The following PDE4D variants were observed in gnomAD, a reference collection of about 807,000 sequenced individuals.
PDE4D encodes 3',5'-cyclic-AMP phosphodiesterase 4D.
Under a neutral mutation model 87.4 loss-of-function variants are expected in PDE4D, and 24 were observed. The observed-to-expected ratio is 0.27, with a 90% CI of 0.20 to 0.39. The LOEUF is 0.39. Ranked by LOEUF, PDE4D falls within the 10% of genes least tolerant of loss-of-function variation. The probability of loss-of-function intolerance (pLI) is 1.00; values close to 1 mark genes in which losing one functional copy is unlikely to be tolerated. For synonymous variants in PDE4D, 384 were observed against 383.2 expected (o/e 1.00, Z -0.02); for missense variants, 714 against 1,041.0 (o/e 0.69, Z 4.32).
intron 1 of PDE4D, among the ~76,000 whole-genome samples, chr5:59,670,576 A>G (rs538774917): frequency 3.3e-5 from 5 of 152,320 alleles, no homozygotes; most frequent in Non-Finnish European, 5.9e-5. Context: ...CTTATCCCCA[A>G]GATATCTCAC....
intron 1 of PDE4D, among the ~76,000 whole-genome samples, chr5:60,407,484 C>T (rs1379112281): frequency 1.8e-5 from 2 of 109,960 alleles, no homozygotes; most frequent in African/African-American, 7.2e-5. Context: ...GACGGAGTCT[C>T]ACTCTGTCAC....
chr5:59,956,988 G>T (rs1354796340), intron 3 of PDE4D, among the ~76,000 whole-genome samples: 2 of 151,976 alleles, frequency 1.3e-5, no homozygotes, highest in Non-Finnish European at 2.9e-5. Context: ...TATATATGTG[G>T]CCAGATATTT....
At chr5:59,331,178 C>T (rs1340381772) in intron 1 of PDE4D, among the ~76,000 whole-genome samples, 1 of 152,154 alleles carries the variant, frequency 6.6e-6, no homozygotes, top group Admixed American at 6.5e-5. Flanking sequence ...ACAAATAATA[C>T]TTGCTCATTG....
intron 3 of PDE4D, among the ~76,000 whole-genome samples, chr5:59,913,817 A>G (rs578136092): frequency 1.1e-3 from 162 of 152,298 alleles, no homozygotes; most frequent in African/African-American, 3.7e-3. Flanking sequence ...TATCAATGCT[A>G]GAATCAAGAA....
intron 1 of PDE4D, among the ~76,000 whole-genome samples, chr5:59,883,296 A>T (rs1476262785): frequency 1.3e-5 from 2 of 152,210 alleles, no homozygotes; most frequent in Non-Finnish European, 2.9e-5. Flanking sequence ...CAGCATCCAA[A>T]TCAAATTCGG....
chr5:59,653,198 A>C (rs1472486557), intron 1 of PDE4D, among the ~76,000 whole-genome samples: 1 of 112,018 alleles, frequency 8.9e-6, no homozygotes, highest in East Asian at 2.8e-4. Context: ...TAATGTTAGC[A>C]AAAAAAAAAA....
At chr5:59,153,830 T>A (rs1779791888) in intron 5 of PDE4D, among the ~76,000 whole-genome samples, 2 of 152,034 alleles carry the variant, frequency 1.3e-5, no homozygotes, top group African/African-American at 4.8e-5. Context: ...CATTAGGTTA[T>A]GCTAGAGGTA....
At chr5:59,678,112 A>AT (rs1231211610) in intron 1 of PDE4D, among the ~76,000 whole-genome samples, 1 of 152,170 alleles carries the variant, frequency 6.6e-6, no homozygotes, top group African/African-American at 2.4e-5. Flanking sequence ...AATTGATCAA[A>AT]TACCTTAAAC....
intron 1 of PDE4D, among the ~76,000 whole-genome samples, chr5:59,225,414 T>G (rs1335139869): frequency 6.6e-6 from 1 of 152,196 alleles, no homozygotes; most frequent in African/African-American, 2.4e-5. Flanking sequence ...CTTAGTAATA[T>G]GTTTTGAAAT....
chr5:59,088,220 C>CA (rs1580731006), intron 5 of PDE4D, among the ~76,000 whole-genome samples: 2 of 152,160 alleles, frequency 1.3e-5, no homozygotes, highest in East Asian at 1.9e-4. Context: ...TCCTTGCCTC[C>CA]AAAAAACACT....
chr5:60,036,644 G>T (rs1302068589), intron 2 of PDE4D, among the ~76,000 whole-genome samples: 1 of 152,202 alleles, frequency 6.6e-6, no homozygotes, highest in Non-Finnish European at 1.5e-5. Context: ...AAATTAATAA[G>T]TCCTGAGTCT....
intron 1 of PDE4D, among the ~76,000 whole-genome samples, chr5:59,772,493 T>A (rs1337820266): frequency 6.6e-6 from 1 of 152,240 alleles, no homozygotes. Flanking sequence ...TTTGTGGGAT[T>A]TTTTAGATTA....
chr5:60,286,157 G>A (rs1384453190), intron 1 of PDE4D, among the ~76,000 whole-genome samples: 1 of 152,128 alleles, frequency 6.6e-6, no homozygotes, highest in Non-Finnish European at 1.5e-5. Context: ...CGGGAAACAT[G>A]ATAATTCTTA....
At chr5:59,446,301 A>T (rs1368205832) in intron 1 of PDE4D, among the ~76,000 whole-genome samples, 1 of 152,200 alleles carries the variant, frequency 6.6e-6, no homozygotes, top group African/African-American at 2.4e-5. Flanking sequence ...TTCTTCAAAC[A>T]TGTATACCAT....
intron 1 of PDE4D, among the ~76,000 whole-genome samples, chr5:59,307,785 T>C (rs1374617659): frequency 1.3e-5 from 2 of 152,072 alleles, no homozygotes; most frequent in Non-Finnish European, 2.9e-5. Context: ...AGTTCAACCA[T>C]TGTGGAAGTC....
chr5:59,488,775 T>C (rs1441860395), intron 1 of PDE4D, among the ~76,000 whole-genome samples: 1 of 151,570 alleles, frequency 6.6e-6, no homozygotes, highest in African/African-American at 2.4e-5. Flanking sequence ...AATACAAAAA[T>C]TGAATGTATT....
intron 12 of PDE4D, 32 bp downstream of exon 12, chr5:58,977,159 G>A (rs753767723): frequency 4.4e-6 from 7 of 1,583,964 alleles, no homozygotes; most frequent in East Asian, 2.2e-5. Context: ...TTGCATCACA[G>A]TTCTCTTCTT....
At chr5:59,356,839 A>G (rs779751420) in intron 1 of PDE4D, 97 of 1,550,862 alleles carry the variant, frequency 6.3e-5, no homozygotes, top group Non-Finnish European at 8.0e-5. Flanking sequence ...ATCCCAAACA[A>G]AAGCCATTTT....
chr5:60,508,845 T>C (rs945827788), intron 1 of PDE4D, among the ~76,000 whole-genome samples: 3 of 152,206 alleles, frequency 2.0e-5, no homozygotes, highest in African/African-American at 7.2e-5. Context: ...GAACAAAGTT[T>C]ATCCAACATG....
Sources: gnomAD v4.1 joint callset for allele counts (sites outside exome capture counted in the v4.1 genomes callset) on GRCh38, gnomAD v4.1.1 for gene constraint, MANE v1.5 for transcripts, NCBI Gene and HGNC (gene_info 2026-07-23, HGNC 2026-07-21) for gene names.